The following AUTS2 variants were observed in gnomAD, a reference collection of about 807,000 sequenced individuals.
The protein encoded by AUTS2 is autism susceptibility gene 2 protein.
AUTS2 carries 17 observed loss-of-function variants against 112.4 expected under a neutral mutation model. The ratio of observed to expected loss-of-function variants is 0.15; its 90% CI spans 0.10 to 0.23. The LOEUF (loss-of-function observed/expected upper bound fraction) is 0.23. AUTS2 is among the 10% of genes least tolerant of loss of function. The pLI, the probability that AUTS2 is intolerant of heterozygous loss-of-function variation, is 1.00. For missense variants in AUTS2, 1,510 were observed against 1,701.6 expected, an observed-to-expected ratio of 0.89 and a Z score of 1.98; for synonymous variants, 751 against 702.7, an observed-to-expected ratio of 1.07 and a Z score of -1.09.
intron 1 of AUTS2, among the ~76,000 whole-genome samples, chr7:69,691,125 T>C (rs1797325425): frequency 6.6e-6 from 1 of 152,052 alleles, no homozygotes; most frequent in African/African-American, 2.4e-5. Context: ...GTCCGAGGGT[T>C]TTTATGGGCT....
intron 5 of AUTS2, among the ~76,000 whole-genome samples, chr7:70,566,327 G>A (rs1801706595): frequency 6.6e-6 from 1 of 152,156 alleles, no homozygotes; most frequent in South Asian, 2.1e-4. Flanking sequence ...GAGAGGAAAG[G>A]TGTATTTCTT....
intron 2 of AUTS2, among the ~76,000 whole-genome samples, chr7:70,040,078 A>G (rs1801179654): frequency 6.6e-6 from 1 of 152,160 alleles, no homozygotes; most frequent in Non-Finnish European, 1.5e-5. Context: ...AGAGGGAGGA[A>G]TGGATAGGCA....
chr7:69,616,043 AT>A (rs1793353148), intron 1 of AUTS2, among the ~76,000 whole-genome samples: 1 of 152,168 alleles, frequency 6.6e-6, no homozygotes, highest in Non-Finnish European at 1.5e-5. Context: ...TGCTGAGTGT[AT>A]TTCATATCTT....
chr7:70,013,619 G>A (rs1267243892), intron 2 of AUTS2, among the ~76,000 whole-genome samples: 2 of 152,152 alleles, frequency 1.3e-5, no homozygotes. Context: ...TAATATCTTA[G>A]CTTGCAAATT....
intron 1 of AUTS2, among the ~76,000 whole-genome samples, chr7:69,712,536 G>A (rs1400502428): frequency 6.6e-6 from 1 of 152,086 alleles, no homozygotes; most frequent in African/African-American, 2.4e-5. Flanking sequence ...ATTCATCTAT[G>A]TTGTAGTGTA....
intron 4 of AUTS2, among the ~76,000 whole-genome samples, chr7:70,392,026 C>G (rs138389165): frequency 1.3e-5 from 2 of 152,138 alleles, no homozygotes; most frequent in African/African-American, 4.8e-5. Flanking sequence ...AAGTTTCCCC[C>G]GGGAAATTCT....
intron 4 of AUTS2, among the ~76,000 whole-genome samples, chr7:70,260,706 A>C (rs1476671311): frequency 1.3e-5 from 2 of 152,192 alleles, no homozygotes; most frequent in Non-Finnish European, 2.9e-5. Flanking sequence ...TATTTACCCA[A>C]GAGAAATGGA....
intron 4 of AUTS2, among the ~76,000 whole-genome samples, chr7:70,146,126 C>G (rs1216343993): frequency 6.6e-6 from 1 of 152,010 alleles, no homozygotes; most frequent in East Asian, 1.9e-4. Flanking sequence ...CTCAGTCTTC[C>G]TTGGACAGGG....
intron 6 of AUTS2, among the ~76,000 whole-genome samples, chr7:70,732,858 A>C (rs1272366239): frequency 1.3e-5 from 2 of 152,188 alleles, no homozygotes; most frequent in Admixed American, 1.3e-4. Context: ...TTTCTTGTTT[A>C]TTGTAGTTAT....
chr7:69,666,276 A>G (rs1796037505), intron 1 of AUTS2, among the ~76,000 whole-genome samples: 1 of 152,182 alleles, frequency 6.6e-6, no homozygotes, highest in Non-Finnish European at 1.5e-5. Flanking sequence ...TCTAACTCTC[A>G]TGTGTTTGTT....
intron 4 of AUTS2, among the ~76,000 whole-genome samples, chr7:70,180,975 C>T (rs978843773): frequency 1.3e-5 from 2 of 152,142 alleles, no homozygotes; most frequent in Non-Finnish European, 2.9e-5. Flanking sequence ...TCTGAATTTG[C>T]TATTTATGTT....
intron 4 of AUTS2, among the ~76,000 whole-genome samples, chr7:70,379,804 A>G (rs1179762680): frequency 6.6e-6 from 1 of 152,218 alleles, no homozygotes. Context: ...GAAGTGTTCT[A>G]AGAACTTCAC....
At chr7:70,524,685 C>T (rs997098768) in intron 5 of AUTS2, among the ~76,000 whole-genome samples, 1 of 152,174 alleles carries the variant, frequency 6.6e-6, no homozygotes. Context: ...GACTATTACT[C>T]CAGTTCATTA....
intron 6 of AUTS2, among the ~76,000 whole-genome samples, chr7:70,740,547 C>T (rs1788041071): frequency 6.6e-6 from 1 of 152,148 alleles, no homozygotes; most frequent in Admixed American, 6.5e-5. Flanking sequence ...ACACTGACAG[C>T]TCATAGTAAG....
At chr7:69,837,116 G>T (rs1436581277) in intron 1 of AUTS2, among the ~76,000 whole-genome samples, 1 of 152,060 alleles carries the variant, frequency 6.6e-6, no homozygotes, top group East Asian at 1.9e-4. Flanking sequence ...TGGCTAAAAG[G>T]ACTAAAGGGC....
intron 2 of AUTS2, among the ~76,000 whole-genome samples, chr7:69,935,094 C>T (rs755651877): frequency 2.2e-4 from 34 of 152,142 alleles, no homozygotes; most frequent in Non-Finnish European, 4.1e-4. Flanking sequence ...CCCATATAAG[C>T]TCACTTTCTC....
chr7:70,284,042 A>G (rs1056233287), intron 4 of AUTS2, among the ~76,000 whole-genome samples: 6 of 152,126 alleles, frequency 3.9e-5, no homozygotes, highest in African/African-American at 1.4e-4. Context: ...CCAAAATCAT[A>G]TTTTATTTTG....
chr7:70,227,326 A>C (rs575964964), intron 4 of AUTS2, among the ~76,000 whole-genome samples: 5 of 143,030 alleles, frequency 3.5e-5, no homozygotes, highest in Non-Finnish European at 6.0e-5. Context: ...AAAAAAAAAA[A>C]ACAACCTTTT....
chr7:69,803,410 G>T (rs1213264338), intron 1 of AUTS2, among the ~76,000 whole-genome samples: 2 of 152,006 alleles, frequency 1.3e-5, no homozygotes, highest in Admixed American at 1.3e-4. Context: ...CACTGGGTTT[G>T]CTTCTCTATA....
Sources: allele counts gnomAD v4.1 joint callset (sites outside exome capture counted in the v4.1 genomes callset), GRCh38; gene constraint gnomAD v4.1.1; transcripts MANE v1.5; gene names NCBI Gene and HGNC (gene_info 2026-07-23, HGNC 2026-07-21).